PRKAA2: variants seen among roughly 807,000 people sequenced by gnomAD.
The protein encoded by PRKAA2 is protein kinase AMP-activated catalytic subunit alpha 2.
In PRKAA2, 40 loss-of-function variants were observed where a neutral mutation model predicts 56.3. That is an observed-to-expected ratio of 0.71 (90% CI 0.55 to 0.92). The LOEUF (loss-of-function observed/expected upper bound fraction) is 0.92. Among genes scored for constraint, PRKAA2 ranks in the 40% least tolerant of loss-of-function variants. The pLI, the probability that PRKAA2 is intolerant of heterozygous loss-of-function variation, is 0.00. For synonymous variants in PRKAA2, 214 were observed against 234.2 expected (o/e 0.91, Z 0.79); for missense variants, 542 against 686.9 (o/e 0.79, Z 2.36).
chr1:56,673,064 G>T (rs1013909674), intron 1 of PRKAA2, among the ~76,000 whole-genome samples: 1 of 152,066 alleles, frequency 6.6e-6, no homozygotes, highest in African/African-American at 2.4e-5. Context: ...ATAGGAGGAG[G>T]GATGTGGACA....
At chr1:56,668,104 C>T (rs1182331160) in intron 1 of PRKAA2, among the ~76,000 whole-genome samples, 2 of 152,060 alleles carry the variant, frequency 1.3e-5, no homozygotes, top group Non-Finnish European at 2.9e-5. Context: ...GATTGCCACA[C>T]TTCCAAAGAG....
Position 56,701,316 on chromosome 1 carries a change from A to G in PRKAA2, c.789-2655A>G, listed in dbSNP as rs541608896. 2.0e-5 allele frequency among the ~76,000 whole-genome samples: 3 copies of G among 152,026 alleles called. No homozygotes were observed. In the East Asian group the frequency reaches 5.8e-4, roughly 29 times the overall value. ...AGGCTGAGACAGGAGAATCACTTGAACCTGGGAGGCAGAGGTTGCAGTGAG... is the reference window on the plus strand; with the variant it reads ...AGGCTGAGACAGGAGAATCACTTGAGCCTGGGAGGCAGAGGTTGCAGTGAG... On this transcript the variant is annotated intron_variant, in intron 6 of 8. Coordinates refer to ENST00000371244, the MANE Select transcript of PRKAA2 (RefSeq NM_006252.4).
chr1:56,650,527 G>T (rs570328604), intron 1 of PRKAA2, among the ~76,000 whole-genome samples: 149 of 152,234 alleles, frequency 9.8e-4, no homozygotes, highest in Non-Finnish European at 1.7e-3. Flanking sequence ...TGGTCCTGTT[G>T]TTTGTGTTAT....
intron 3 of PRKAA2, among the ~76,000 whole-genome samples, chr1:56,691,706 C>G (rs537609376): frequency 9.2e-5 from 14 of 152,252 alleles, no homozygotes; most frequent in African/African-American, 3.4e-4. Flanking sequence ...CAACATGATG[C>G]GTATGCTTTT....
rs1309520083 is a variant in PRKAA2, at chr1:56,706,115, T to G, written c.1317T>G (p.Arg439=). 1 of 1,611,536 alleles carries G rather than the reference T, an allele frequency of 6.2e-7. No individual in the cohort carries two copies. The highest frequency in any genetic ancestry group is 8.5e-7 in the Non-Finnish European group (1 of 1,177,928). ...EWKVVNAYHL[R]VRRKNPVTGN... is the part of the protein sequence containing the mutation. ...AGGTAGTGAATGCATACCATCTTCG[T>G]GTAAGAAGAAAAAATCCAGTGACTG... Residue 439 remains arginine (R), a synonymous_variant, in exon 8 of 9, where the codon CGT becomes CGG. Transcript: ENST00000371244.
At chr1:56,705,145 G>A (rs943525434) in intron 7 of PRKAA2, among the ~76,000 whole-genome samples, 5 of 151,976 alleles carry the variant, frequency 3.3e-5, no homozygotes, top group Non-Finnish European at 5.9e-5. Context: ...AAAGGAAGAA[G>A]AAAAATGTGC....
rs1475550814 is a variant in PRKAA2, at chr1:56,713,655, G to C, written c.*5942G>C. On this transcript the variant is annotated 3_prime_UTR_variant, in exon 9 of 9. Transcript: ENST00000371244. ...TTTTCTGAGGTGGGCAGGGAGGGTT[G>C]CTACGTTGTGTTGATTTAAAATTTC... 1 of 152,012 alleles carries C rather than the reference G, an allele frequency of 6.6e-6. No homozygotes were observed. The highest frequency in any genetic ancestry group is 2.4e-5 in the African/African-American group (1 of 41,412). 9.4% of individuals were successfully genotyped at this position (152,012 alleles called of 1,614,324 possible). A position where few individuals can be genotyped will look rare whatever the true frequency, so the allele number is the denominator to read the frequency against.
At chr1:56,682,007 T>C (rs1241949103) in intron 2 of PRKAA2, among the ~76,000 whole-genome samples, 2 of 152,238 alleles carry the variant, frequency 1.3e-5, no homozygotes, top group Non-Finnish European at 2.9e-5. Flanking sequence ...TTCTTCCATT[T>C]GTTTGTGTCC....
At chr1:56,702,297 G>A (rs558069819) in intron 6 of PRKAA2, among the ~76,000 whole-genome samples, 87 of 152,176 alleles carry the variant, frequency 5.7e-4, no homozygotes, top group African/African-American at 2.0e-3. Flanking sequence ...TGGTCAGGCC[G>A]GTCTCGAACT....
intron 1 of PRKAA2, among the ~76,000 whole-genome samples, chr1:56,650,001 A>G (rs12076595): frequency 0.02 from 2,989 of 152,250 alleles, 108 homozygotes; most frequent in African/African-American, 0.068. Context: ...AAGCTGAGGC[A>G]GGAGAATCAC....
At chr1:56,655,787 C>A (rs529793859) in intron 1 of PRKAA2, among the ~76,000 whole-genome samples, 1 of 152,228 alleles carries the variant, frequency 6.6e-6, no homozygotes, top group South Asian at 2.1e-4. Context: ...GTCTGATAAA[C>A]AGTTGGGTTT....
At chr1:56,656,476 A>T (rs1643943144) in intron 1 of PRKAA2, among the ~76,000 whole-genome samples, 1 of 152,170 alleles carries the variant, frequency 6.6e-6, no homozygotes, top group Non-Finnish European at 1.5e-5. Flanking sequence ...GACTGGGAGG[A>T]CTACAAATGG....
intron 1 of PRKAA2, among the ~76,000 whole-genome samples, chr1:56,658,654 C>T (rs1402232035): frequency 1.3e-5 from 2 of 149,300 alleles, no homozygotes; most frequent in Non-Finnish European, 3.0e-5. Context: ...CTCTGTTGCC[C>T]AGGCTGGAGT....
rs1236460218 is a variant in PRKAA2 at position 56,711,399 on chromosome 1, A to C, written c.*3686A>C. 2 of 152,138 alleles carry C rather than the reference A, an allele frequency of 1.3e-5. No homozygotes were observed. The highest frequency in any genetic ancestry group is 2.9e-5 in the Non-Finnish European group (2 of 67,992). 9.4% of individuals were successfully genotyped at this position (152,138 alleles called of 1,614,324 possible). A position where few individuals can be genotyped will look rare whatever the true frequency, so the allele number is the denominator to read the frequency against. Reference sequence around the variant, plus strand: ...TGTACTGAGTTAATGTAGGCACCTCACTTTGGATTTATAAAATGTAAAAAC... The same window carrying C: ...TGTACTGAGTTAATGTAGGCACCTCCCTTTGGATTTATAAAATGTAAAAAC... On this transcript the variant is annotated 3_prime_UTR_variant, in exon 9 of 9. Coordinates refer to ENST00000371244, the MANE Select transcript of PRKAA2 (RefSeq NM_006252.4).
chr1:56,692,799 T>G (rs987264901), intron 4 of PRKAA2, among the ~76,000 whole-genome samples: 2 of 151,794 alleles, frequency 1.3e-5, no homozygotes, highest in African/African-American at 2.4e-5. Context: ...TTGTTTTTTT[T>G]TTTTTTGAAG....
intron 1 of PRKAA2, among the ~76,000 whole-genome samples, chr1:56,657,668 T>A (rs1643956951): frequency 6.6e-6 from 1 of 151,654 alleles, no homozygotes; most frequent in South Asian, 2.1e-4. Flanking sequence ...AGAGCAAGAC[T>A]CCATCTCAAA....
intron 1 of PRKAA2, among the ~76,000 whole-genome samples, chr1:56,653,691 A>G (rs1416101349): frequency 6.6e-6 from 1 of 152,170 alleles, no homozygotes; most frequent in African/African-American, 2.4e-5. Context: ...TATGAGAATA[A>G]TCTGTGATCT....
At chr1:56,699,965 A>C (rs1569788974) in intron 6 of PRKAA2, among the ~76,000 whole-genome samples, 1 of 152,210 alleles carries the variant, frequency 6.6e-6, no homozygotes. Context: ...CCAGTGTATG[A>C]ATATACTACA....
intron 2 of PRKAA2, among the ~76,000 whole-genome samples, chr1:56,688,842 C>T (rs1469436719): frequency 6.6e-6 from 1 of 152,116 alleles, no homozygotes; most frequent in Non-Finnish European, 1.5e-5. Context: ...GTAAGCTCCA[C>T]GAGTAGAGGC....
Sources: gnomAD v4.1 joint callset for allele counts (sites outside exome capture counted in the v4.1 genomes callset) on GRCh38, gnomAD v4.1.1 for gene constraint, MANE v1.5 for transcripts, NCBI Gene and HGNC (gene_info 2026-07-23, HGNC 2026-07-21) for gene names.